Variants in KALRN observed in about 807,000 individuals in gnomAD.
KALRN encodes kalirin.
In KALRN, 70 loss-of-function variants were observed where a neutral mutation model predicts 353.7. The ratio of observed to expected loss-of-function variants is 0.20; its 90% confidence interval spans 0.16 to 0.24. KALRN has a LOEUF of 0.24. Ranked by LOEUF, KALRN falls within the 10% of genes least tolerant of loss-of-function variation. KALRN has a pLI of 1.00. For missense variants in KALRN, 2,791 were observed against 3,756.7 expected (o/e 0.74, Z 6.72); for synonymous variants, 1,391 against 1,434.8 (o/e 0.97, Z 0.69).
intron 34 of KALRN, among the ~76,000 whole-genome samples, chr3:124,565,854 A>T (rs2072743408): frequency 6.6e-6 from 1 of 152,336 alleles, no homozygotes; most frequent in South Asian, 2.1e-4. Flanking sequence ...AGGTGGAAGC[A>T]TTCAGGGTAA....
chr3:124,208,199 A>G (rs1298462890), intron 1 of KALRN, among the ~76,000 whole-genome samples: 1 of 152,208 alleles, frequency 6.6e-6, no homozygotes, highest in Non-Finnish European at 1.5e-5. Context: ...TAACACGCAC[A>G]TATGTAACTA....
At chr3:124,172,064 G>A (rs2071918132) in intron 1 of KALRN, among the ~76,000 whole-genome samples, 1 of 152,140 alleles carries the variant, frequency 6.6e-6, no homozygotes, top group Admixed American at 6.5e-5. Context: ...TAGGTTACTT[G>A]ACTTCTTTGA....
At chr3:124,332,088 A>G (rs2080626220) in intron 8 of KALRN, among the ~76,000 whole-genome samples, 1 of 152,068 alleles carries the variant, frequency 6.6e-6, no homozygotes, top group Admixed American at 6.5e-5. Flanking sequence ...TGTATAAGCT[A>G]CTTCCCCCAC....
intron 21 of KALRN, among the ~76,000 whole-genome samples, chr3:124,448,531 C>G (rs1000343301): frequency 2.0e-5 from 3 of 152,126 alleles, no homozygotes; most frequent in Admixed American, 6.5e-5. Flanking sequence ...ACATCATATT[C>G]TTTTTTGTCT....
chr3:124,490,147 ACT>A (rs2062991052), intron 29 of KALRN, among the ~76,000 whole-genome samples: 1 of 152,142 alleles, frequency 6.6e-6, no homozygotes, highest in African/African-American at 2.4e-5. Flanking sequence ...TGACCCAGCT[ACT>A]TGGGAAGCTA....
chr3:124,112,929 T>C (rs1243927607), intron 1 of KALRN, among the ~76,000 whole-genome samples: 1 of 152,128 alleles, frequency 6.6e-6, no homozygotes, highest in African/African-American at 2.4e-5. Context: ...TAACTGCATG[T>C]CTCCTTTGAT....
At chr3:124,685,298 G>A (rs2061510015) in intron 51 of KALRN, among the ~76,000 whole-genome samples, 2 of 152,052 alleles carry the variant, frequency 1.3e-5, no homozygotes, top group Admixed American at 6.5e-5. Context: ...AGGGAGCTGA[G>A]CTTAGTGGCT....
chr3:124,121,108 A>AAG (rs1239371419), intron 1 of KALRN, among the ~76,000 whole-genome samples: 3 of 151,274 alleles, frequency 2.0e-5, no homozygotes, highest in Non-Finnish European at 2.9e-5. Flanking sequence ...AAAAAAAAAA[A>AAG]AAAAAAGAAA....
At position 124,434,605 on chromosome 3, in the gene KALRN, G is replaced by A. The variant is rs566895368; in HGVS notation, c.3048+80G>A. 3.7e-5 allele frequency: 47 copies of A among 1,256,298 alleles called. 1 individual carries two copies. The highest frequency in any genetic ancestry group is 3.5e-4 in the African/African-American group (24 of 68,114). The allele number at this position is 1,256,298 out of a possible 1,614,324, so 77.8% of individuals were successfully genotyped here. A position where few individuals can be genotyped will look rare whatever the true frequency, so the allele number is the denominator to read the frequency against. On this transcript the variant is annotated intron_variant, in intron 17 of 59. Transcript: ENST00000682506. ...CTGCCTTGCAGTGTAAATGTGCAGTGCTTATGTCAGCGAGAAGCCTGTCCT... is the reference window on the plus strand; with the variant it reads ...CTGCCTTGCAGTGTAAATGTGCAGTACTTATGTCAGCGAGAAGCCTGTCCT...
chr3:124,323,208 G>A (rs552541564), intron 6 of KALRN, among the ~76,000 whole-genome samples: 9 of 152,242 alleles, frequency 5.9e-5, no homozygotes, highest in South Asian at 2.1e-4. Flanking sequence ...AGGGGACTGT[G>A]GAGGACTGCC....
At chr3:124,683,302 C>A (rs955483983) in intron 51 of KALRN, among the ~76,000 whole-genome samples, 2 of 152,296 alleles carry the variant, frequency 1.3e-5, no homozygotes, top group South Asian at 4.1e-4. Context: ...TCTGCACTGA[C>A]ACCCCAGGCT....
intron 23 of KALRN, among the ~76,000 whole-genome samples, chr3:124,461,551 A>G (rs2059862518): frequency 6.6e-6 from 1 of 152,202 alleles, no homozygotes; most frequent in Non-Finnish European, 1.5e-5. Flanking sequence ...GTGAGACAGA[A>G]TATGAACAGT....
chr3:124,152,497 C>T, intron 1 of KALRN: 1 of 806,644 alleles, frequency 1.2e-6, no homozygotes, highest in Non-Finnish European at 2.2e-6. Flanking sequence ...AATTTCAGTT[C>T]TGTACATCTG....
chr3:124,302,405 A>G (rs11706831), intron 6 of KALRN, among the ~76,000 whole-genome samples: 39,573 of 152,150 alleles, frequency 0.26, 6,832 homozygotes, highest in Non-Finnish European at 0.38. Flanking sequence ...TCAATCAACC[A>G]TCTGCATTGA....
intron 27 of KALRN, among the ~76,000 whole-genome samples, chr3:124,480,852 G>C (rs2108203832): frequency 6.6e-6 from 1 of 152,294 alleles, no homozygotes; most frequent in East Asian, 1.9e-4. Flanking sequence ...AATGTTTTCA[G>C]AGTTCATCTG....
chr3:124,694,708 C>T lies in KALRN; in HGVS notation c.7577+205C>T, dbSNP rs147723106. On this transcript the variant is annotated intron_variant, in intron 53 of 59. Transcript: ENST00000682506. ...TGTTAGTCAGAGCCTCTGCCACTCA[C>T]GCTGCAGCCTGATGGACACCTGCAG... Among the ~76,000 whole-genome samples, 115 of 152,322 alleles carry T rather than the reference C, an allele frequency of 7.5e-4. 3 individuals are homozygous for T. The South Asian group carries it at 0.013, about 17-fold the overall frequency.
intron 48 of KALRN, 73 bp downstream of exon 48, chr3:124,671,971 A>C (rs1339332198): frequency 8.7e-7 from 1 of 1,153,450 alleles, no homozygotes; most frequent in South Asian, 1.3e-5. Flanking sequence ...TAGGAAGAGA[A>C]GGAGTCTCGG....
At chr3:124,343,578 A>G (rs1327738590) in intron 9 of KALRN, among the ~76,000 whole-genome samples, 2 of 152,090 alleles carry the variant, frequency 1.3e-5, no homozygotes, top group African/African-American at 4.8e-5. Context: ...GCTCACCACA[A>G]TCTTGTTCCT....
At chr3:124,675,673 G>A (rs935261645) in intron 49 of KALRN, among the ~76,000 whole-genome samples, 4 of 152,032 alleles carry the variant, frequency 2.6e-5, no homozygotes, top group African/African-American at 9.7e-5. Context: ...TAACCTCTGA[G>A]ATGAGGGAAG....
Sources: gnomAD v4.1 joint callset for allele counts (sites outside exome capture counted in the v4.1 genomes callset) on GRCh38, gnomAD v4.1.1 for gene constraint, MANE v1.5 for transcripts, NCBI Gene and HGNC (gene_info 2026-07-23, HGNC 2026-07-21) for gene names.